The following DEFB1 variants were observed in gnomAD, a reference collection of about 807,000 sequenced individuals.
DEFB1 encodes defensin beta 1, also known as beta-defensin 1.
In DEFB1, 4 loss-of-function variants were observed where a neutral mutation model predicts 2.6. That is an observed-to-expected ratio of 1.53 (90% CI 0.76 to 3.51). DEFB1 has a LOEUF of 3.51. Ranked by LOEUF, DEFB1 falls within the 30% of genes most tolerant of loss-of-function variation. DEFB1 has a pLI of 0.01. For synonymous variants in DEFB1, 56 were observed against 28.5 expected (o/e 1.96, Z -3.07); for missense variants, 162 against 76.9 (o/e 2.11, Z -4.14).
At chr8:6,873,730 A>G (rs1008303752) in intron 1 of DEFB1, among the ~76,000 whole-genome samples, 1 of 128,704 alleles carries the variant, frequency 7.8e-6, no homozygotes, top group African/African-American at 2.7e-5. Flanking sequence ...TATGCTCATT[A>G]CCTGGGTGAC....
intron 1 of DEFB1, among the ~76,000 whole-genome samples, chr8:6,877,347 G>A (rs1056367334): frequency 6.6e-6 from 1 of 152,236 alleles, no homozygotes; most frequent in Non-Finnish European, 1.5e-5. Flanking sequence ...CAAGGCACCG[G>A]CTGAGCTGGC....
At position 6,877,919 on chromosome 8, in the gene DEFB1, C is replaced by A. The variant is rs1475900642; in HGVS notation, c.-62G>T. Reference sequence around the variant, plus strand: ...GGGGAGACGCTGGCTCCTTTGGAGGCTGAGCTGACAGAGGCTTCCAGAGGC... The same window carrying A: ...GGGGAGACGCTGGCTCCTTTGGAGGATGAGCTGACAGAGGCTTCCAGAGGC... On this transcript the variant is annotated 5_prime_UTR_variant, in exon 1 of 2. Transcript: ENST00000297439. The A allele has an allele frequency of 2.0e-6, 3 of 1,502,676 alleles. No homozygotes were observed. Among genetic ancestry groups the A allele is most frequent in the Non-Finnish European group, 2.8e-6 (3 of 1,079,318 alleles). 93.1% of individuals were successfully genotyped at this position (1,502,676 alleles called of 1,614,324 possible).
At chr8:6,876,853 A>G (rs1303908997) in intron 1 of DEFB1, among the ~76,000 whole-genome samples, 1 of 107,436 alleles carries the variant, frequency 9.3e-6, no homozygotes, top group Non-Finnish European at 1.8e-5. Flanking sequence ...ACCAAAAAAA[A>G]AAACAAAAAA....
intron 1 of DEFB1, among the ~76,000 whole-genome samples, chr8:6,877,258 G>A (rs2117220604): frequency 6.6e-6 from 1 of 152,350 alleles, no homozygotes; most frequent in African/African-American, 2.4e-5. Flanking sequence ...CTATTGACTG[G>A]GGAGACTGCT....
chr8:6,870,706 C>G lies in DEFB1; in HGVS notation c.182G>C (p.Arg61Thr). ...IFTKIQGTCY[R>T]GKAKCCK The stretch of plus-strand genomic sequence containing the variant: ...TCACTTGCAGCACTTGGCCTTCCCT[C>G]TGTAACAGGTGCCTTGAATTTTGGT... The change falls in exon 2 of 2, where the codon AGA becomes ACA. Residue 61 changes from arginine (R) to threonine (T), a missense_variant. Transcript: ENST00000297439. The G allele has an allele frequency of 6.2e-7, 1 of 1,614,210 alleles. No individual in the cohort carries two copies.
rs1428966679 is a variant in DEFB1 at position 6,877,899 on chromosome 8, G to C, written c.-42C>G. ...CACCCAGGATTTCAGGAACTGGGGA[G>C]ACGCTGGCTCCTTTGGAGGCTGAGC... On this transcript the variant is annotated 5_prime_UTR_variant, in exon 1 of 2. Transcript: ENST00000297439. The C allele has an allele frequency of 5.0e-6, 8 of 1,597,694 alleles. No homozygotes were observed. Among genetic ancestry groups the C allele is most frequent in the Non-Finnish European group, 6.9e-6 (8 of 1,165,230 alleles).
At chr8:6,877,362 T>A in intron 1 of DEFB1, among the ~76,000 whole-genome samples, 1 of 152,156 alleles carries the variant, frequency 6.6e-6, no homozygotes, top group East Asian at 1.9e-4. Context: ...GCTGGCCTGA[T>A]GGGTGGGGCG....
chr8:6,874,236 A>T (rs537621206), intron 1 of DEFB1, among the ~76,000 whole-genome samples: 2 of 152,196 alleles, frequency 1.3e-5, no homozygotes, highest in Admixed American at 1.3e-4. Context: ...GACCGAAACA[A>T]AAGCAGGAAC....
chr8:6,873,023 A>G (rs1316890292), intron 1 of DEFB1, among the ~76,000 whole-genome samples: 1 of 152,230 alleles, frequency 6.6e-6, no homozygotes, highest in Non-Finnish European at 1.5e-5. Flanking sequence ...AGGTTTATAC[A>G]TCTTTGTTCT....
In DEFB1 at chr8:6,870,826, C is replaced by A. The variant is rs773530668; in HGVS notation, c.62G>T (p.Gly21Val). The change falls in exon 2 of 2, where the codon GGT (glycine) becomes GTT (valine). Residue 21 changes from glycine (G) to valine (V), a missense_variant and splice_region_variant. Physicochemically the swap from Gly to Val is moderately radical, Grantham distance 109 (BLOSUM62 -3). Coordinates refer to ENST00000297439, the MANE Select transcript of DEFB1 (RefSeq NM_005218.4). ...LCLLLSEMAS[G>V]GNFLTGLGHR... ...GCCAAGGCCTGTGAGAAAGTTACCA[C>A]CTGTAAGGAGGGAACACAAACACTT... is the stretch of plus-strand genomic sequence containing the variant. 5 of 1,611,384 alleles carry A rather than the reference C, an allele frequency of 3.1e-6. No individual in the cohort carries two copies. In the East Asian group the frequency reaches 6.7e-5, roughly 22 times the overall value.
At chr8:6,870,887 C>A (rs1187870872) in intron 1 of DEFB1, 61 bp from the exon 2 acceptor site, 2 of 1,538,042 alleles carry the variant, frequency 1.3e-6, no homozygotes, top group Admixed American at 4.1e-5. Flanking sequence ...GATTTGAGAA[C>A]ATCTCGCGAA....
intron 1 of DEFB1, among the ~76,000 whole-genome samples, chr8:6,872,697 CA>C (rs1353172860): frequency 3.9e-5 from 6 of 152,224 alleles, no homozygotes; most frequent in Non-Finnish European, 8.8e-5. Context: ...TTTGTTCATA[CA>C]AAACACAGTC....
chr8:6,874,522 C>T (rs1382202833), intron 1 of DEFB1, among the ~76,000 whole-genome samples: 2 of 152,272 alleles, frequency 1.3e-5, no homozygotes, highest in East Asian at 3.9e-4. Context: ...TATTTCAAGA[C>T]TAAGTGTAGA....
chr8:6,871,329 G>A (rs1053447593), intron 1 of DEFB1, among the ~76,000 whole-genome samples: 9 of 152,072 alleles, frequency 5.9e-5, no homozygotes, highest in Admixed American at 5.9e-4. Flanking sequence ...TTCACATCGG[G>A]CTGAAATTAT....
chr8:6,873,749 A>G (rs1314648929), intron 1 of DEFB1, among the ~76,000 whole-genome samples: 1 of 149,910 alleles, frequency 6.7e-6, no homozygotes, highest in Non-Finnish European at 1.5e-5. Flanking sequence ...ACAAGATCAC[A>G]TTCCATTCCT....
chr8:6,876,574 T>C (rs1335870969), intron 1 of DEFB1, among the ~76,000 whole-genome samples: 1 of 151,360 alleles, frequency 6.6e-6, no homozygotes, highest in Admixed American at 6.6e-5. Context: ...ACTAGGAGGG[T>C]TGCTTGTGCC....
In DEFB1 at chr8:6,877,881, G is replaced by T. The variant is rs770696619; in HGVS notation, c.-24C>A. 8 of 1,612,280 alleles carry T rather than the reference G, an allele frequency of 5.0e-6. No homozygotes were observed. The highest frequency in any genetic ancestry group is 1.3e-5 in the African/African-American group (1 of 74,884). ...ATGGCGACTGGCAGGCAACACCCAG[G>T]ATTTCAGGAACTGGGGAGACGCTGG... On this transcript the variant is annotated 5_prime_UTR_variant, in exon 1 of 2. Transcript: ENST00000297439.
In DEFB1 at chr8:6,873,185, A is replaced by T. The variant is rs5743475; in HGVS notation, c.62-2359T>A. 6.3e-3 allele frequency among the ~76,000 whole-genome samples: 967 copies of T among 152,352 alleles called. 2 individuals are homozygous for T. The highest frequency in any genetic ancestry group is 8.2e-3 in the Non-Finnish European group (557 of 68,034). On this transcript the variant is annotated intron_variant, in intron 1 of 1. Transcript: ENST00000297439. Reference sequence around the variant, plus strand: ...TTTCTGTGATCCTCTCCCCAGATGAAGGAACAAGGTCCAGTGATGTCCCCA... The same window carrying T: ...TTTCTGTGATCCTCTCCCCAGATGATGGAACAAGGTCCAGTGATGTCCCCA...
intron 1 of DEFB1, among the ~76,000 whole-genome samples, chr8:6,871,337 T>G (rs1806302570): frequency 6.6e-6 from 1 of 152,164 alleles, no homozygotes; most frequent in South Asian, 2.1e-4. Context: ...GGGCTGAAAT[T>G]ATGGTTACTC....
Sources: gnomAD v4.1 joint callset for allele counts (sites outside exome capture counted in the v4.1 genomes callset) on GRCh38, gnomAD v4.1.1 for gene constraint, MANE v1.5 for transcripts, NCBI Gene and HGNC (gene_info 2026-07-23, HGNC 2026-07-21) for gene names.